The following SCYL3 variants were observed in gnomAD, a reference collection of about 807,000 sequenced individuals.
The protein encoded by SCYL3 is protein-associating with the carboxyl-terminal domain of ezrin.
Under a neutral mutation model 73.8 loss-of-function variants are expected in SCYL3, and 35 were observed. The observed-to-expected ratio is 0.47, with a 90% CI of 0.36 to 0.63. The LOEUF (loss-of-function observed/expected upper bound fraction) is 0.63, where lower values mean the gene tolerates loss of function less well. Among genes scored for constraint, SCYL3 ranks in the 20% least tolerant of loss-of-function variants. The pLI, the probability that SCYL3 is intolerant of heterozygous loss-of-function variation, is 0.00. For synonymous variants in SCYL3, 277 were observed against 295.2 expected, an observed-to-expected ratio of 0.94 and a Z score of 0.63; for missense variants, 712 against 798.9, an observed-to-expected ratio of 0.89 and a Z score of 1.31.
intron 7 of SCYL3, among the ~76,000 whole-genome samples, 171 bp from the exon 8 acceptor site, chr1:169,867,144 G>A (rs1204373397): frequency 6.6e-6 from 1 of 152,146 alleles, no homozygotes; most frequent in Non-Finnish European, 1.5e-5. Context: ...TATGGAACAC[G>A]CCTCTGAAAT....
At position 169,876,633 on chromosome 1, in the gene SCYL3, A is replaced by T. The variant is rs1260476861; in HGVS notation, c.352-542T>A. Reference sequence around the variant, plus strand: ...AAAAAAATTCTGCCTGAAGAAGAGGAAAATGGAATGATAAGGACCACCAGA... The same window carrying T: ...AAAAAAATTCTGCCTGAAGAAGAGGTAAATGGAATGATAAGGACCACCAGA... On this transcript the variant is annotated intron_variant, in intron 3 of 12. Transcript: ENST00000367771. Among the ~76,000 whole-genome samples, 3 of 152,114 alleles carry T rather than the reference A, an allele frequency of 2.0e-5. No homozygotes were observed. In the East Asian group the frequency reaches 5.8e-4, roughly 29 times the overall value.
At chr1:169,863,190 C>T (rs1397238571) in intron 9 of SCYL3, among the ~76,000 whole-genome samples, 6 of 152,148 alleles carry the variant, frequency 3.9e-5, no homozygotes, top group African/African-American at 9.7e-5. Flanking sequence ...GGATTACAGG[C>T]GTGAGCCACC....
intron 5 of SCYL3, among the ~76,000 whole-genome samples, chr1:169,872,490 C>T (rs1428137958): frequency 2.0e-5 from 3 of 152,208 alleles, no homozygotes; most frequent in Non-Finnish European, 4.4e-5. Flanking sequence ...AATGTGAGGT[C>T]GGTGCCCCCA....
intron 2 of SCYL3, among the ~76,000 whole-genome samples, chr1:169,888,372 CCTTATAT>C (rs1661822314): frequency 6.6e-6 from 1 of 152,162 alleles, no homozygotes; most frequent in Admixed American, 6.5e-5. Context: ...TTATATAGCT[CCTTATAT>C]CTTATATTAG....
Position 169,862,617 on chromosome 1 carries a change from G to A in SCYL3, c.1136C>T (p.Pro379Leu). The part of the protein sequence containing the change: ...TQEQLKKVIL[P>L]QVLLGLRDTS... ...ACTGCAAACTTGGCCTCTGACCTGTGGCAAGATGACTTTCTTCAGCTGCTC... is the reference window on the plus strand; with the variant it reads ...ACTGCAAACTTGGCCTCTGACCTGTAGCAAGATGACTTTCTTCAGCTGCTC... The change falls in exon 10 of 13, where the codon CCA becomes CTA. Residue 379 changes from proline to leucine, a missense_variant. By Grantham distance (98) the Pro-to-Leu change is moderately conservative. Coordinates refer to ENST00000367771, the MANE Select transcript of SCYL3 (RefSeq NM_020423.7). 1.2e-6 allele frequency: 2 copies of A among 1,614,122 alleles called. No individual in the cohort carries two copies. The highest frequency in any genetic ancestry group is 1.7e-6 in the Non-Finnish European group (2 of 1,180,000).
At chr1:169,862,837 T>A (rs1659759742) in intron 9 of SCYL3, 40 bp from the exon 10 acceptor site, 1 of 1,600,936 alleles carries the variant, frequency 6.2e-7, no homozygotes, top group Non-Finnish European at 8.5e-7. Flanking sequence ...AAAAACAAAT[T>A]TTCATTTCAG....
At position 169,851,971 on chromosome 1, in the gene SCYL3, C is replaced by T. The variant is rs905985327; in HGVS notation, c.*1742G>A. 2.5e-6 allele frequency: 4 copies of T among 1,613,714 alleles called. No homozygotes were observed. The highest frequency in any genetic ancestry group is 3.4e-6 in the Non-Finnish European group (4 of 1,179,788). ...GATTTCAATAGGGGCCAAACTTTAA[C>T]AAGGCAAATTCTGCCCTTTTTACTT... On this transcript the variant is annotated 3_prime_UTR_variant, in exon 13 of 13. Transcript: ENST00000367771.
At chr1:169,863,676 C>T (rs1054826207) in intron 9 of SCYL3, among the ~76,000 whole-genome samples, 1 of 151,944 alleles carries the variant, frequency 6.6e-6, no homozygotes, top group African/African-American at 2.4e-5. Context: ...AGAGGCACAC[C>T]CCTATGTAAG....
intron 7 of SCYL3, among the ~76,000 whole-genome samples, chr1:169,868,517 C>T (rs1660189026): frequency 6.6e-6 from 1 of 152,168 alleles, no homozygotes; most frequent in Admixed American, 6.5e-5. Context: ...TGAACTCATT[C>T]CCCATCCCCA....
In SCYL3 at chr1:169,871,876, C is replaced by T. The variant is rs548424249; in HGVS notation, c.523-1519G>A. Among the ~76,000 whole-genome samples, 20 of 152,132 alleles carry T rather than the reference C, an allele frequency of 1.3e-4. No individual in the cohort carries two copies. The East Asian group carries it at 2.9e-3, about 22-fold the overall frequency. On this transcript the variant is annotated intron_variant, in intron 5 of 12. Coordinates refer to ENST00000367771, the MANE Select transcript of SCYL3 (RefSeq NM_020423.7). ...TTAAGAGAGGATTTAGGGTATCTGG[C>T]GGAAGAAATTTCTAAGCAGCAGAGC...
intron 7 of SCYL3, among the ~76,000 whole-genome samples, chr1:169,867,498 A>G (rs557473000): frequency 5.0e-4 from 76 of 152,206 alleles, no homozygotes; most frequent in Middle Eastern, 3.2e-3. Flanking sequence ...AGAGAATTCC[A>G]AAGGCTGTGC....
intron 6 of SCYL3, among the ~76,000 whole-genome samples, chr1:169,869,711 C>G (rs1660262867): frequency 6.6e-6 from 1 of 152,076 alleles, no homozygotes; most frequent in African/African-American, 2.4e-5. Flanking sequence ...AGCAGGCTGC[C>G]AAGCATGCAG....
In SCYL3 at chr1:169,852,203, T is replaced by C; in HGVS notation, c.*1510A>G. The C allele has an allele frequency of 2.1e-6, 1 of 480,030 alleles. No homozygotes were observed. Among genetic ancestry groups the C allele is most frequent in the South Asian group, 2.3e-5 (1 of 42,782 alleles). 29.7% of individuals were successfully genotyped at this position (480,030 alleles called of 1,614,324 possible). On this transcript the variant is annotated 3_prime_UTR_variant, in exon 13 of 13. Coordinates refer to ENST00000367771, the MANE Select transcript of SCYL3 (RefSeq NM_020423.7). Reference sequence around the variant, plus strand: ...CATATTGTACCAGTGATGCTATAAATGCAGTCTTTACTGAACCACAGAAGA... The same window carrying C: ...CATATTGTACCAGTGATGCTATAAACGCAGTCTTTACTGAACCACAGAAGA...
In SCYL3 at chr1:169,853,955, A is replaced by G. The variant is rs534541034; in HGVS notation, c.2008-183T>C. ...AAAAGTAGGATTACAAAACCATGGC[A>G]CTGGAAAATAGCTTTTCAAAAACCA... On this transcript the variant is annotated intron_variant, in intron 12 of 12. Transcript: ENST00000367771. 17 of 676,500 alleles carry G rather than the reference A, an allele frequency of 2.5e-5. No homozygotes were observed. The African/African-American group carries it at 2.5e-4, about 10-fold the overall frequency. The allele number at this position is 676,500 out of a possible 1,614,324, so 41.9% of individuals were successfully genotyped here.
intron 2 of SCYL3, among the ~76,000 whole-genome samples, chr1:169,888,424 A>G (rs528078045): frequency 1.4e-4 from 22 of 152,358 alleles, no homozygotes; most frequent in African/African-American, 4.8e-4. Context: ...TTCTCACCAG[A>G]AAAATAAAAT....
Position 169,870,336 on chromosome 1 carries a change from G to T in SCYL3, c.544C>A (p.Pro182Thr). ...TCCCGGGCATGTCCATGACACTCTG[G>T]GAGAGTTGTGAATTCTGGAGACTAA... ...EEMSPEFTTL[P>T]ECHGHARDAF... Residue 182 changes from proline (P) to threonine (T), a missense_variant, in exon 6 of 13, where the codon CCA becomes ACA. By Grantham distance (38) the Pro-to-Thr change is conservative. This residue lies in a region of SCYL3 where 342 missense variants were observed against 448.1 expected (regional missense o/e 0.76). Transcript: ENST00000367771. The T allele has an allele frequency of 6.2e-7, 1 of 1,612,352 alleles. No homozygotes were observed. Among genetic ancestry groups the T allele is most frequent in the Non-Finnish European group, 8.5e-7 (1 of 1,179,230 alleles).
Position 169,852,614 on chromosome 1 carries a change from C to T in SCYL3, c.*1099G>A. On this transcript the variant is annotated 3_prime_UTR_variant, in exon 13 of 13. Transcript: ENST00000367771. ...AGCACTCTGAATTGCTATGATAAAC[C>T]AAAATGCCTTTACATATTTTTCTAG... is the stretch of plus-strand genomic sequence containing the variant. The T allele has an allele frequency of 4.7e-6, 3 of 634,740 alleles. No homozygotes were observed. The highest frequency in any genetic ancestry group is 8.1e-6 in the Non-Finnish European group (3 of 370,556). The allele number at this position is 634,740 out of a possible 1,614,324, so 39.3% of individuals were successfully genotyped here.
At chr1:169,888,583 T>G in intron 2 of SCYL3, 93 bp downstream of exon 2, 2 of 1,010,716 alleles carry the variant, frequency 2.0e-6, no homozygotes, top group Admixed American at 2.3e-5. Flanking sequence ...CTTATGATCT[T>G]ACCTCCTTTG....
intron 7 of SCYL3, among the ~76,000 whole-genome samples, chr1:169,867,735 C>A (rs1329731518): frequency 1.3e-5 from 2 of 152,230 alleles, no homozygotes; most frequent in African/African-American, 4.8e-5. Flanking sequence ...GATGCTGACC[C>A]TGGCTCCTAC....
Sources: gnomAD v4.1 joint callset for allele counts (sites outside exome capture counted in the v4.1 genomes callset) on GRCh38, gnomAD v4.1.1 for gene constraint, gnomAD v4.1.1 regional missense constraint, MANE v1.5 for transcripts, NCBI Gene and HGNC (gene_info 2026-07-23, HGNC 2026-07-21) for gene names.